The following ANKRD28 variants were observed in gnomAD, a reference collection of about 807,000 sequenced individuals.
ANKRD28 encodes the protein ankyrin repeat domain 28.
In ANKRD28, 44 loss-of-function variants were observed where a neutral mutation model predicts 126.5. The ratio of observed to expected loss-of-function variants is 0.35; its 90% CI spans 0.27 to 0.45. The LOEUF is 0.45. ANKRD28 is among the 20% of genes least tolerant of loss of function. The pLI is 1.00. For missense variants in ANKRD28, 1,110 were observed against 1,316.6 expected (o/e 0.84, Z 2.43); for synonymous variants, 442 against 468.5 (o/e 0.94, Z 0.73).
Position 15,670,303 on chromosome 3 carries a change from A to C in ANKRD28, c.3219T>G (p.Asp1073Glu), listed in dbSNP as rs763400716. Residue 1073 changes from aspartate (D) to glutamate (E), a missense_variant, in exon 28 of 28, where the codon GAT becomes GAG. Asp to Glu is a conservative substitution (Grantham distance 45). Coordinates refer to ENST00000683139, the MANE Select transcript of ANKRD28 (RefSeq NM_001349278.2). ...TCTCAGAATCGGAGTCGTTGAGCTCATCCACGTCAGTGTATAAGTACTCCT... is the reference window on the plus strand; with the variant it reads ...TCTCAGAATCGGAGTCGTTGAGCTCCTCCACGTCAGTGTATAAGTACTCCT... ...GEQEYLYTDV[D>E]ELNDSDSETY 1.9e-6 allele frequency: 3 copies of C among 1,613,952 alleles called. No homozygotes were observed. The highest frequency in any genetic ancestry group is 2.5e-6 in the Non-Finnish European group (3 of 1,179,824).
intron 4 of ANKRD28, among the ~76,000 whole-genome samples, chr3:15,743,101 T>C (rs546154274): frequency 6.6e-6 from 1 of 152,228 alleles, no homozygotes; most frequent in South Asian, 2.1e-4. Context: ...CTCTGAAACA[T>C]GTGCTGTGTC....
chr3:15,749,203 C>T (rs1488295147), intron 4 of ANKRD28, among the ~76,000 whole-genome samples: 5 of 149,216 alleles, frequency 3.4e-5, no homozygotes, highest in African/African-American at 9.9e-5. Flanking sequence ...CTCCGCTTCC[C>T]GGGTTCACGC....
chr3:15,771,481 T>C (rs951780472), intron 2 of ANKRD28, among the ~76,000 whole-genome samples: 3 of 150,174 alleles, frequency 2.0e-5, no homozygotes, highest in Non-Finnish European at 4.4e-5. Flanking sequence ...ACAATGGTGG[T>C]AGAAGGCAAA....
chr3:15,754,221 A>G (rs530542088), intron 3 of ANKRD28, among the ~76,000 whole-genome samples: 1 of 152,318 alleles, frequency 6.6e-6, no homozygotes, highest in African/African-American at 2.4e-5. Flanking sequence ...TCTGAGTAAC[A>G]TGATGAAATA....
intron 2 of ANKRD28, among the ~76,000 whole-genome samples, chr3:15,786,564 T>C (rs1454121528): frequency 6.6e-6 from 1 of 152,116 alleles, no homozygotes; most frequent in African/African-American, 2.4e-5. Context: ...CATAGGTGTA[T>C]GCATGTATCA....
chr3:15,735,295 T>C (rs1192586983), intron 6 of ANKRD28, 115 bp downstream of exon 6: 3 of 821,626 alleles, frequency 3.7e-6, no homozygotes, highest in Non-Finnish European at 5.4e-6. Context: ...CAAACTCAGA[T>C]ACTGTGTAGC....
At chr3:15,710,831 CT>C (rs1223326297) in intron 12 of ANKRD28, among the ~76,000 whole-genome samples, 1 of 151,634 alleles carries the variant, frequency 6.6e-6, no homozygotes, top group Non-Finnish European at 1.5e-5. Flanking sequence ...CATTTTTTTC[CT>C]GGGGGAAAAA....
At chr3:15,798,769 GT>G (rs939344964), upstream of ANKRD28, among the ~76,000 whole-genome samples, 55 of 151,554 alleles carry the variant, frequency 3.6e-4, no homozygotes, top group Admixed American at 4.6e-4. Flanking sequence ...TCATTTCATC[GT>G]TTTTTTTCTT....
At chr3:15,837,895 A>G (rs1332466313) in intron 1 of ANKRD28, among the ~76,000 whole-genome samples, 2 of 105,482 alleles carry the variant, frequency 1.9e-5, no homozygotes, top group Non-Finnish European at 3.7e-5. Context: ...AGCTAACCAG[A>G]AAAAAAAAAA....
At chr3:15,852,832 CAAAAAAAAAA>C (rs71064237) in intron 1 of ANKRD28, among the ~76,000 whole-genome samples, 40 of 64,012 alleles carry the variant, frequency 6.2e-4, no homozygotes, top group African/African-American at 2.4e-3. Context: ...GACTCTGTCT[CAAAAAAAAAA>C]AAAAAAAAAA....
chr3:15,795,613 TC>T (rs1325012692), intron 1 of ANKRD28, among the ~76,000 whole-genome samples: 3 of 152,152 alleles, frequency 2.0e-5, no homozygotes, highest in Non-Finnish European at 4.4e-5. Flanking sequence ...GAAAGACTCT[TC>T]CAAATACAAA....
At chr3:15,723,175 G>A (rs2073902223) in intron 7 of ANKRD28, among the ~76,000 whole-genome samples, 1 of 152,144 alleles carries the variant, frequency 6.6e-6, no homozygotes, top group East Asian at 1.9e-4. Context: ...CTGAAACAGA[G>A]GTACAGGAAT....
chr3:15,798,234 T>G (rs1243311662), upstream of ANKRD28: 54 of 889,300 alleles, frequency 6.1e-5, no homozygotes, highest in Non-Finnish European at 6.9e-5. Context: ...TTTCGTGTGT[T>G]ACAATAAAGC....
intron 18 of ANKRD28, among the ~76,000 whole-genome samples, chr3:15,688,853 T>G (rs947519067): frequency 6.6e-6 from 1 of 152,234 alleles, no homozygotes; most frequent in Non-Finnish European, 1.5e-5. Flanking sequence ...TTGCATAAAG[T>G]GCTCTGTAAA....
At position 15,833,472 on chromosome 3, in the gene ANKRD28, C is replaced by CAT. The variant is rs1186687378; in HGVS notation, c.27+25903_27+25904dup. On this transcript the variant is annotated intron_variant, in intron 1 of 27. Transcript: ENST00000399451. The surrounding 1 kb of genome is among the most constrained non-coding windows in gnomAD (Gnocchi z 4.4). ...GTGAGTTAATACTTAAACTCCCCTT[C>CAT]ATATATATATAATATATAAAAATAT... Among the ~76,000 whole-genome samples, 3 of 148,802 alleles carry CAT rather than the reference C, an allele frequency of 2.0e-5. No individual in the cohort carries two copies. Among genetic ancestry groups the CAT allele is most frequent in the Non-Finnish European group, 4.5e-5 (3 of 67,408 alleles).
chr3:15,700,802 C>T (rs767777481), intron 14 of ANKRD28, among the ~76,000 whole-genome samples: 3 of 151,832 alleles, frequency 2.0e-5, no homozygotes, highest in Non-Finnish European at 2.9e-5. Context: ...CCATAATTTA[C>T]AATTTTAATA....
intron 3 of ANKRD28, among the ~76,000 whole-genome samples, chr3:15,762,934 G>A (rs759452817): frequency 1.3e-5 from 2 of 152,190 alleles, no homozygotes; most frequent in South Asian, 4.1e-4. Context: ...GATCATGGAG[G>A]TGCTAAGAGG....
chr3:15,722,373 A>G (rs1319659920), intron 7 of ANKRD28, among the ~76,000 whole-genome samples: 1 of 152,216 alleles, frequency 6.6e-6, no homozygotes, highest in Non-Finnish European at 1.5e-5. Flanking sequence ...AGGGAAGAAC[A>G]GTAATGTGTC....
chr3:15,763,530 T>A (rs976334410), intron 3 of ANKRD28, among the ~76,000 whole-genome samples: 14 of 152,118 alleles, frequency 9.2e-5, no homozygotes, highest in African/African-American at 3.4e-4. Flanking sequence ...CAGGTAACAA[T>A]AAACACTAGG....
Sources: gnomAD v4.1 joint callset for allele counts (sites outside exome capture counted in the v4.1 genomes callset) on GRCh38, gnomAD v4.1.1 for gene constraint, Gnocchi (gnomAD v3.1) non-coding constraint, MANE v1.5 for transcripts, NCBI Gene and HGNC (gene_info 2026-07-23, HGNC 2026-07-21) for gene names.